MMP16: variants seen among roughly 807,000 people sequenced by gnomAD.
The protein encoded by MMP16 is matrix metallopeptidase 16, also known as matrix metalloproteinase-16.
A neutral mutation model predicts 67.8 loss-of-function variants in MMP16; 12 were observed. That is an observed-to-expected ratio of 0.18 (90% CI 0.11 to 0.29). MMP16 has a LOEUF of 0.29. MMP16 is among the 10% of genes least tolerant of loss of function. The probability of loss-of-function intolerance (pLI) is 1.00; values close to 1 mark genes in which losing one functional copy is unlikely to be tolerated. For missense variants in MMP16, 475 were observed against 765.7 expected (o/e 0.62, Z 4.48); for synonymous variants, 249 against 255.9 (o/e 0.97, Z 0.26).
At chr8:88,101,781 A>G (rs1001750616) in intron 6 of MMP16, among the ~76,000 whole-genome samples, 3 of 151,920 alleles carry the variant, frequency 2.0e-5, no homozygotes, top group Admixed American at 2.0e-4. Context: ...TAATATTTGT[A>G]CAAAGAAAAG....
chr8:88,260,609 T>G (rs1156468655), intron 1 of MMP16, among the ~76,000 whole-genome samples: 1 of 151,982 alleles, frequency 6.6e-6, no homozygotes, highest in African/African-American at 2.4e-5. Context: ...CAAATAAAAT[T>G]CAAAGAAATG....
intron 1 of MMP16, among the ~76,000 whole-genome samples, chr8:88,284,053 T>G (rs1810785296): frequency 6.6e-6 from 1 of 152,260 alleles, no homozygotes; most frequent in Non-Finnish European, 1.5e-5. Context: ...CATCACCTTT[T>G]GTACACAAAC....
intron 4 of MMP16, among the ~76,000 whole-genome samples, chr8:88,134,952 T>A (rs766509329): frequency 6.6e-6 from 1 of 151,708 alleles, no homozygotes; most frequent in Non-Finnish European, 1.5e-5. Flanking sequence ...TAACAGAATT[T>A]TCCCAAATAA....
At position 88,062,107 on chromosome 8, in the gene MMP16, T is replaced by G. The variant is rs1808406864; in HGVS notation, c.1223-5829A>C. Among the ~76,000 whole-genome samples the G allele has an allele frequency of 2.0e-5, 3 of 152,230 alleles. No homozygotes were observed. The South Asian group carries it at 6.2e-4, about 32-fold the overall frequency. On this transcript the variant is annotated intron_variant, in intron 7 of 9. Transcript: ENST00000286614. The stretch of plus-strand genomic sequence containing the variant: ...CAATAATAATTATGAGTGATAACAT[T>G]TAATTTTCTGAGTGTTTATTGAGAA...
At chr8:88,237,785 T>C (rs1385287813) in intron 1 of MMP16, among the ~76,000 whole-genome samples, 1 of 152,248 alleles carries the variant, frequency 6.6e-6, no homozygotes, top group Non-Finnish European at 1.5e-5. Flanking sequence ...GCTTTTGTTC[T>C]CAAAGACTGA....
At chr8:88,299,030 A>T (rs1388930652) in intron 1 of MMP16, among the ~76,000 whole-genome samples, 1 of 151,994 alleles carries the variant, frequency 6.6e-6, no homozygotes, top group East Asian at 1.9e-4. Flanking sequence ...TTCATCTTTT[A>T]AGATCACACA....
intron 1 of MMP16, among the ~76,000 whole-genome samples, chr8:88,272,525 A>C (rs1396085169): frequency 1.3e-5 from 2 of 152,192 alleles, no homozygotes; most frequent in African/African-American, 4.8e-5. Context: ...GAGATTAAAA[A>C]ACAAAAAAGT....
chr8:88,289,996 C>G (rs990940504), intron 1 of MMP16, among the ~76,000 whole-genome samples: 4 of 152,126 alleles, frequency 2.6e-5, no homozygotes, highest in African/African-American at 4.8e-5. Flanking sequence ...CTCGCTTTAT[C>G]TGGCCTTAAC....
intron 1 of MMP16, among the ~76,000 whole-genome samples, chr8:88,258,965 A>G (rs1484106977): frequency 6.6e-6 from 1 of 152,184 alleles, no homozygotes; most frequent in African/African-American, 2.4e-5. Context: ...CACCATAAAA[A>G]TCCCAAGAAC....
chr8:88,197,348 T>C (rs773773908), intron 1 of MMP16, 42 bp from the exon 2 acceptor site: 1 of 1,489,164 alleles, frequency 6.7e-7, no homozygotes, highest in South Asian at 1.4e-5. Context: ...AATTTTACAA[T>C]TTAACAATAA....
chr8:88,213,045 G>A (rs991994921), intron 1 of MMP16, among the ~76,000 whole-genome samples: 6 of 152,102 alleles, frequency 3.9e-5, no homozygotes, highest in African/African-American at 4.8e-5. Flanking sequence ...TTGGTTGAAA[G>A]CATTTTTTTG....
chr8:88,278,246 G>A (rs1449233024), intron 1 of MMP16, among the ~76,000 whole-genome samples: 2 of 152,084 alleles, frequency 1.3e-5, no homozygotes, highest in Non-Finnish European at 2.9e-5. Context: ...ACACTAAGCT[G>A]TACAACATAG....
chr8:88,316,829 T>C (rs1811381913), intron 1 of MMP16, among the ~76,000 whole-genome samples: 1 of 152,104 alleles, frequency 6.6e-6, no homozygotes, highest in Non-Finnish European at 1.5e-5. Flanking sequence ...AAACCTTCTG[T>C]AAAAGATTCA....
intron 1 of MMP16, among the ~76,000 whole-genome samples, chr8:88,324,924 C>T (rs1035280041): frequency 6.6e-6 from 1 of 152,058 alleles, no homozygotes; most frequent in African/African-American, 2.4e-5. Context: ...AAAATGAGCT[C>T]AAGAGCTTAA....
chr8:88,294,371 C>A (rs570155182), intron 1 of MMP16, among the ~76,000 whole-genome samples: 7 of 147,942 alleles, frequency 4.7e-5, no homozygotes, highest in African/African-American at 1.7e-4. Context: ...TGTAGATATA[C>A]ACACATCTAT....
intron 3 of MMP16, 132 bp downstream of exon 3, chr8:88,186,344 A>AACAATAGC (rs1182945366): frequency 9.2e-5 from 110 of 1,191,512 alleles, no homozygotes; most frequent in Non-Finnish European, 1.3e-4. Flanking sequence ...TAGCAATTTT[A>AACAATAGC]AATCTCTTAT....
intron 4 of MMP16, among the ~76,000 whole-genome samples, chr8:88,140,448 T>C (rs147180274): frequency 2.1e-4 from 32 of 152,232 alleles, no homozygotes; most frequent in African/African-American, 7.7e-4. Flanking sequence ...CTCATATTCA[T>C]TGGGAGATGA....
chr8:88,042,213 C>G (rs1808142680), intron 9 of MMP16, among the ~76,000 whole-genome samples: 1 of 152,120 alleles, frequency 6.6e-6, no homozygotes, highest in Non-Finnish European at 1.5e-5. Flanking sequence ...CACTGTTTAC[C>G]CTCAGGCTGT....
chr8:88,232,936 A>G (rs1809884360), intron 1 of MMP16, among the ~76,000 whole-genome samples: 1 of 152,140 alleles, frequency 6.6e-6, no homozygotes, highest in East Asian at 1.9e-4. Flanking sequence ...GTCTACATCA[A>G]ATCACAGTGT....
Sources: allele counts gnomAD v4.1 joint callset (sites outside exome capture counted in the v4.1 genomes callset), GRCh38; gene constraint gnomAD v4.1.1; transcripts MANE v1.5; gene names NCBI Gene and HGNC (gene_info 2026-07-23, HGNC 2026-07-21).